TOP6BL: variants seen among roughly 807,000 people sequenced by gnomAD.
The protein encoded by TOP6BL is TOP6B like initiator of meiotic double strand breaks, also known as type 2 DNA topoisomerase 6 subunit B-like.
At chr11:66,794,831 A>G in the TOP6BL span, among the ~76,000 whole-genome samples, 1 of 152,108 alleles carries the variant, frequency 6.6e-6, no homozygotes, top group African/African-American at 2.4e-5. Context: ...GAGCCTTTTT[A>G]AAAAAATCTA....
At chr11:66,828,507 C>T in the TOP6BL span, 2 of 619,156 alleles carry the variant, frequency 3.2e-6, no homozygotes, top group East Asian at 2.8e-5. Flanking sequence ...GAAACAAAAT[C>T]ATCTGTTTTC....
the TOP6BL span, among the ~76,000 whole-genome samples, chr11:66,765,357 G>T: frequency 1.3e-5 from 2 of 152,128 alleles, no homozygotes; most frequent in African/African-American, 4.8e-5. Context: ...CTAACTCTTC[G>T]TACAAAGAGG....
At chr11:66,795,731 A>AT in the TOP6BL span, among the ~76,000 whole-genome samples, 243 of 145,826 alleles carry the variant, frequency 1.7e-3, 1 homozygote, top group Middle Eastern at 3.6e-3. Flanking sequence ...TATTTAAGTA[A>AT]TTTTTTTTTT....
At chr11:66,744,819 G>GGCGGC in the TOP6BL span, 287 of 1,230,588 alleles carry the variant, frequency 2.3e-4, 2 homozygotes, top group Non-Finnish European at 2.7e-4. Context: ...GCTGAGGAGG[G>GGCGGC]GGCGGCGGCG....
At chr11:66,838,985 C>T in the TOP6BL span, 2 of 369,096 alleles carry the variant, frequency 5.4e-6, no homozygotes, top group Non-Finnish European at 1.1e-5. Flanking sequence ...CCTGCCTTGG[C>T]CTCCCAAAGT....
the TOP6BL span, among the ~76,000 whole-genome samples, chr11:66,827,691 G>A: frequency 6.6e-6 from 1 of 152,004 alleles, no homozygotes; most frequent in Non-Finnish European, 1.5e-5. Context: ...CAGGCCAGGC[G>A]CAGTGGCTTA....
chr11:66,838,320 C>A, the TOP6BL span: 7 of 1,548,566 alleles, frequency 4.5e-6, no homozygotes, highest in Non-Finnish European at 6.2e-6. Flanking sequence ...CACTAGGGCT[C>A]GTTCATGTTT....
the TOP6BL span, chr11:66,788,315 A>G: frequency 3.0e-6 from 4 of 1,342,754 alleles, no homozygotes; most frequent in African/African-American, 2.9e-5. Context: ...TTTTATTCTT[A>G]TTTTTCTGCA....
At chr11:66,820,930 A>G in the TOP6BL span, among the ~76,000 whole-genome samples, 2 of 152,200 alleles carry the variant, frequency 1.3e-5, no homozygotes, top group African/African-American at 4.8e-5. Context: ...GTCTAAAAAA[A>G]GGTAATTATT....
chr11:66,831,451 CATGG>C, the TOP6BL span, among the ~76,000 whole-genome samples: 1 of 152,130 alleles, frequency 6.6e-6, no homozygotes. Context: ...CACACAGTGA[CATGG>C]ATGAATCTCT....
the TOP6BL span, chr11:66,838,398 A>G: frequency 6.2e-7 from 1 of 1,613,976 alleles, no homozygotes; most frequent in Admixed American, 1.7e-5. Flanking sequence ...GACTCAGCCC[A>G]GGGCACTGAG....
At chr11:66,777,821 A>AAG in the TOP6BL span, among the ~76,000 whole-genome samples, 1 of 152,090 alleles carries the variant, frequency 6.6e-6, no homozygotes, top group Non-Finnish European at 1.5e-5. Flanking sequence ...GCAGTGAGCC[A>AAG]AGATCACACC....
the TOP6BL span, among the ~76,000 whole-genome samples, chr11:66,758,648 G>C: frequency 6.6e-6 from 1 of 152,102 alleles, no homozygotes; most frequent in Non-Finnish European, 1.5e-5. Flanking sequence ...TTGGTTAGAA[G>C]AAGAGCCAAA....
At chr11:66,808,646 A>C in the TOP6BL span, among the ~76,000 whole-genome samples, 60 of 152,252 alleles carry the variant, frequency 3.9e-4, no homozygotes, top group Non-Finnish European at 6.3e-4. Flanking sequence ...ACAAAACAGA[A>C]ATTGTAGAAT....
the TOP6BL span, among the ~76,000 whole-genome samples, chr11:66,753,357 G>A: frequency 5.3e-5 from 8 of 151,932 alleles, no homozygotes; most frequent in East Asian, 1.9e-4. Flanking sequence ...GGGTAGGCTC[G>A]GGAATTGGTA....
chr11:66,843,370 G>A, the TOP6BL span: 15 of 1,442,430 alleles, frequency 1.0e-5, no homozygotes, highest in South Asian at 2.0e-4. Flanking sequence ...GCGGGGCGGG[G>A]CGGGGCGTGG....
At chr11:66,762,322 G>T in the TOP6BL span, 1 of 407,926 alleles carries the variant, frequency 2.5e-6, no homozygotes. Context: ...CCGGAAAGGC[G>T]GGGCGGGCCC....
At chr11:66,822,520 C>A in the TOP6BL span, 2 of 1,289,208 alleles carry the variant, frequency 1.6e-6, no homozygotes, top group Non-Finnish European at 2.2e-6. Flanking sequence ...TAAACCACAT[C>A]TTGGGATTCA....
chr11:66,815,581 CT>C, the TOP6BL span: 1 of 153,730 alleles, frequency 6.5e-6, no homozygotes, highest in African/African-American at 2.4e-5. Context: ...CTATCTGTGC[CT>C]CTTTTCTTAT....
Sources: gnomAD v4.1 joint callset for allele counts (sites outside exome capture counted in the v4.1 genomes callset) on GRCh38, gnomAD v4.1.1 for gene constraint, MANE v1.5 for transcripts, NCBI Gene and HGNC (gene_info 2026-07-23, HGNC 2026-07-21) for gene names.